Variants in SHROOM2 observed in about 807,000 individuals in gnomAD.
The protein encoded by SHROOM2 is shroom family member 2.
Under a neutral mutation model 75.9 loss-of-function variants are expected in SHROOM2, and 33 were observed. That is an observed-to-expected ratio of 0.43 (90% CI 0.33 to 0.58). The LOEUF is 0.58. SHROOM2 is among the 20% of genes least tolerant of loss of function. The pLI is 0.04. For synonymous variants in SHROOM2, 655 were observed against 663.6 expected (o/e 0.99, Z 0.20); for missense variants, 1,434 against 1,461.2 (o/e 0.98, Z 0.30).
chrX:9,873,502 T>C (rs2146796131), intron 1 of SHROOM2, 150 bp from the exon 2 acceptor site: 2 of 568,123 alleles, frequency 3.5e-6, no homozygotes, highest in South Asian at 6.1e-5. Context: ...AGGGGTGTAG[T>C]GCATCCCTGA....
At chrX:9,890,889 C>T (rs2084287317) in intron 2 of SHROOM2, 88 bp from the exon 3 acceptor site, 27 of 947,590 alleles carry the variant, frequency 2.8e-5, no homozygotes, top group Admixed American at 6.3e-5. Context: ...GCCCTGTGTG[C>T]GGTCCCCAAG....
intron 1 of SHROOM2, among the ~76,000 whole-genome samples, chrX:9,788,873 C>T (rs1394632570): frequency 9.0e-6 from 1 of 110,725 alleles, no homozygotes; most frequent in African/African-American, 3.3e-5. Context: ...GGTGTGATGA[C>T]AAAAATGTCT....
At chrX:9,909,410 G>A (rs7880731) in intron 5 of SHROOM2, among the ~76,000 whole-genome samples, 3,703 of 112,611 alleles carry the variant, frequency 0.033, 147 homozygotes, top group African/African-American at 0.11. Context: ...CCTTAAGGAG[G>A]TGGAGCATAG....
chrX:9,842,515 G>C (rs748340201), intron 1 of SHROOM2, among the ~76,000 whole-genome samples: 12 of 112,550 alleles, frequency 1.1e-4, no homozygotes, highest in African/African-American at 3.5e-4. Context: ...CGGCTGACTT[G>C]TCCTGGTAAA....
intron 1 of SHROOM2, among the ~76,000 whole-genome samples, chrX:9,855,108 C>G (rs898996069): frequency 3.8e-5 from 4 of 106,400 alleles, no homozygotes; most frequent in South Asian, 4.2e-4. Flanking sequence ...TTGTTCAACT[C>G]CTGGACACAG....
At chrX:9,832,689 A>G (rs752756536) in intron 1 of SHROOM2, among the ~76,000 whole-genome samples, 33 of 99,854 alleles carry the variant, frequency 3.3e-4, no homozygotes, top group African/African-American at 7.3e-4. Flanking sequence ...TTGCAGGTCA[A>G]TGTGTCCTGG....
Position 9,851,457 on chromosome X carries a change from TTC to T in SHROOM2, c.166-22193_166-22192del, listed in dbSNP as rs1165109226. 4.3e-4 allele frequency among the ~76,000 whole-genome samples: 33 copies of T among 77,234 alleles called. 3 individuals carry two copies. Among genetic ancestry groups the T allele is most frequent in the East Asian group, 2.9e-3 (7 of 2,445 alleles). The allele number at this position is 77,234 out of a possible 115,157, so 67.1% of individuals were successfully genotyped here. A position where few individuals can be genotyped will look rare whatever the true frequency, so the allele number is the denominator to read the frequency against. ...CAACCAGGATATTGCTTTTTTTTTT[TTC>T]TTTTTTTTTTGGATAGAGTCTCATT... On this transcript the variant is annotated intron_variant, in intron 1 of 9. Transcript: ENST00000380913.
In SHROOM2 at chrX:9,850,139, C is replaced by T. The variant is rs895239667; in HGVS notation, c.166-23513C>T. 3.6e-5 allele frequency among the ~76,000 whole-genome samples: 4 copies of T among 111,947 alleles called. No individual in the cohort carries two copies. The East Asian group carries it at 1.1e-3, about 32-fold the overall frequency. ...ACCTGCTGGGCATCTTGGGGCCAGG[C>T]TGGGCTGCGTGGCAGCTCTGTGGGA... On this transcript the variant is annotated intron_variant, in intron 1 of 9. Transcript: ENST00000380913.
intron 5 of SHROOM2, chrX:9,913,340 T>C (rs2084450826): frequency 8.9e-6 from 1 of 112,688 alleles, no homozygotes; most frequent in African/African-American, 3.2e-5. Context: ...TGCAGTGAGA[T>C]AATTTAAATA....
intron 1 of SHROOM2, among the ~76,000 whole-genome samples, chrX:9,808,377 C>CT (rs1456215874): frequency 1.3e-5 from 1 of 74,336 alleles, no homozygotes; most frequent in Non-Finnish European, 2.9e-5. Context: ...GACTCTGTCT[C>CT]TACAAAAAAA....
chrX:9,880,624 A>G (rs2084226440), intron 2 of SHROOM2, among the ~76,000 whole-genome samples: 2 of 112,642 alleles, frequency 1.8e-5, no homozygotes, highest in South Asian at 7.4e-4. Context: ...CATTGGTTCC[A>G]AGGTGGGAGA....
At chrX:9,874,904 ATC>A (rs1202208263) in intron 2 of SHROOM2, among the ~76,000 whole-genome samples, 2 of 106,039 alleles carry the variant, frequency 1.9e-5, no homozygotes, top group African/African-American at 3.4e-5. Context: ...GTGGGACCCC[ATC>A]TCTCTCTCAA....
intron 8 of SHROOM2, among the ~76,000 whole-genome samples, chrX:9,944,392 C>CT (rs1192791902): frequency 7.1e-5 from 8 of 112,108 alleles, no homozygotes; most frequent in Admixed American, 3.8e-4. Context: ...CCGACGTTCT[C>CT]TAATAGGGCA....
At chrX:9,809,214 A>C (rs1418549816) in intron 1 of SHROOM2, among the ~76,000 whole-genome samples, 1 of 111,227 alleles carries the variant, frequency 9.0e-6, no homozygotes, top group African/African-American at 3.3e-5. Flanking sequence ...GCTGAGGAGC[A>C]AGGAGAGCCA....
At chrX:9,902,919 T>C (rs2084372379) in intron 5 of SHROOM2, among the ~76,000 whole-genome samples, 1 of 111,954 alleles carries the variant, frequency 8.9e-6, no homozygotes, top group Non-Finnish European at 1.9e-5. Flanking sequence ...GGCTTGTATT[T>C]TGTTGGGACA....
intron 3 of SHROOM2, 127 bp from the exon 4 acceptor site, chrX:9,894,231 C>A: frequency 1.6e-6 from 1 of 608,686 alleles, no homozygotes; most frequent in Non-Finnish European, 2.5e-6. Context: ...TCAGCAACAT[C>A]ACCGTGGGAA....
intron 1 of SHROOM2, among the ~76,000 whole-genome samples, chrX:9,845,785 A>C (rs1479282984): frequency 9.2e-6 from 1 of 108,493 alleles, no homozygotes; most frequent in Non-Finnish European, 1.9e-5. Flanking sequence ...CAGTGTCGCA[A>C]CCCCTTCCTC....
chrX:9,920,119 A>G (rs1182637182), intron 5 of SHROOM2, among the ~76,000 whole-genome samples: 1 of 110,840 alleles, frequency 9.0e-6, no homozygotes, highest in Non-Finnish European at 1.9e-5. Flanking sequence ...ACAACTCATC[A>G]GACATCTCAA....
chrX:9,791,496 A>G (rs916809101), intron 1 of SHROOM2, among the ~76,000 whole-genome samples: 2 of 112,306 alleles, frequency 1.8e-5, no homozygotes, highest in African/African-American at 6.5e-5. Context: ...CGATAATGTT[A>G]GAATGTAAAA....
Sources: gnomAD v4.1 joint callset for allele counts (sites outside exome capture counted in the v4.1 genomes callset) on GRCh38, gnomAD v4.1.1 for gene constraint, MANE v1.5 for transcripts, NCBI Gene and HGNC (gene_info 2026-07-23, HGNC 2026-07-21) for gene names.